SNX13: variants seen among roughly 807,000 people sequenced by gnomAD.
The protein encoded by SNX13 is sorting nexin 13, also known as sorting nexin-13.
SNX13 carries 45 observed loss-of-function variants against 133.6 expected under a neutral mutation model. The ratio of observed to expected loss-of-function variants is 0.34; its 90% CI spans 0.27 to 0.43. The LOEUF (loss-of-function observed/expected upper bound fraction) is 0.43, where lower values mean the gene tolerates loss of function less well. Ranked by LOEUF, SNX13 falls within the 20% of genes least tolerant of loss-of-function variation. The probability of loss-of-function intolerance (pLI) is 1.00; values close to 1 mark genes in which losing one functional copy is unlikely to be tolerated. For missense variants in SNX13, 1,032 were observed against 1,145.1 expected (o/e 0.90, Z 1.43); for synonymous variants, 414 against 373.9 (o/e 1.11, Z -1.24).
rs561862798 is a variant in SNX13 at position 17,882,783 on chromosome 7, C to A, written c.441-6993G>T. The A allele has an allele frequency of 1.6e-3, 1,914 of 1,221,830 alleles. 1 individual carries two copies. The highest frequency in any genetic ancestry group is 2.0e-3 in the Non-Finnish European group (1,856 of 947,738). The allele number at this position is 1,221,830 out of a possible 1,614,324, so 75.7% of individuals were successfully genotyped here. On this transcript the variant is annotated intron_variant, in intron 5 of 25. Transcript: ENST00000428135. ...AACTGAAAGGGTTCTCAAATCACTA[C>A]CACAATTCCCTGTAATTTCAGAGCC...
intron 1 of SNX13, among the ~76,000 whole-genome samples, chr7:17,919,665 T>C (rs994745220): frequency 2.0e-5 from 3 of 152,164 alleles, no homozygotes; most frequent in Admixed American, 6.5e-5. Context: ...ATTGATACTA[T>C]TCATATCCAC....
At chr7:17,908,089 T>C (rs2128014432) in intron 1 of SNX13, among the ~76,000 whole-genome samples, 1 of 152,286 alleles carries the variant, frequency 6.6e-6, no homozygotes, top group South Asian at 2.1e-4. Context: ...CCCAAATGTT[T>C]CCTATATTCC....
Position 17,907,739 on chromosome 7 carries a change from T to C in SNX13, c.13-10293A>G, listed in dbSNP as rs1200288115. 2.6e-5 allele frequency among the ~76,000 whole-genome samples: 4 copies of C among 152,162 alleles called. No homozygotes were observed. The East Asian group carries it at 7.7e-4, about 29-fold the overall frequency. Reference sequence around the variant, plus strand: ...CAACATAATTTTACTGCCATTTTGATTAAAGTTGGGAAAGCATACAGGAAA... The same window carrying C: ...CAACATAATTTTACTGCCATTTTGACTAAAGTTGGGAAAGCATACAGGAAA... On this transcript the variant is annotated intron_variant, in intron 1 of 25. Transcript: ENST00000428135.
Position 17,793,995 on chromosome 7 carries a change from C to T in SNX13, c.*50G>A. 6.3e-7 allele frequency: 1 copy of T among 1,590,030 alleles called. No individual in the cohort carries two copies. Among genetic ancestry groups the T allele is most frequent in the Non-Finnish European group, 8.6e-7 (1 of 1,167,332 alleles). ...TGAGTTAAGCCCCAGAAGATCTGTC[C>T]ATACCATTAGTCCTGGACAAAATGA... is the stretch of plus-strand genomic sequence containing the variant. On this transcript the variant is annotated 3_prime_UTR_variant, in exon 26 of 26. Transcript: ENST00000428135.
intron 13 of SNX13, among the ~76,000 whole-genome samples, chr7:17,835,232 G>A (rs1412690514): frequency 1.3e-5 from 2 of 151,740 alleles, no homozygotes; most frequent in East Asian, 1.9e-4. Flanking sequence ...ATAGTGTCTG[G>A]CACATAGGAA....
intron 20 of SNX13, among the ~76,000 whole-genome samples, chr7:17,812,304 G>GAA (rs201501345): frequency 2.1e-3 from 320 of 151,294 alleles, no homozygotes; most frequent in African/African-American, 7.3e-3. Context: ...AAACTTACAA[G>GAA]AAAAAAAACA....
At chr7:17,912,583 G>A (rs1218023425) in intron 1 of SNX13, among the ~76,000 whole-genome samples, 1 of 151,992 alleles carries the variant, frequency 6.6e-6, no homozygotes, top group Non-Finnish European at 1.5e-5. Context: ...GCTAATTTCT[G>A]TATTTCTAGT....
chr7:17,801,026 A>ATATATATATATG (rs1784578690), intron 22 of SNX13, among the ~76,000 whole-genome samples: 2 of 16,938 alleles, frequency 1.2e-4, no homozygotes, highest in African/African-American at 3.1e-4. Flanking sequence ...ATATATATAT[A>ATATATATATATG]TATATATATA....
At chr7:17,866,253 A>G (rs1185668009) in intron 9 of SNX13, among the ~76,000 whole-genome samples, 1 of 152,062 alleles carries the variant, frequency 6.6e-6, no homozygotes, top group African/African-American at 2.4e-5. Context: ...TGACAAAGAA[A>G]TAATAACCAG....
chr7:17,819,291 G>C (rs10255868), intron 18 of SNX13, among the ~76,000 whole-genome samples: 5,557 of 152,168 alleles, frequency 0.037, 325 homozygotes, highest in African/African-American at 0.13. Context: ...CTGTCACCCA[G>C]GCTGGAGTGC....
In SNX13 at chr7:17,839,898, C is replaced by A. The variant is rs763872572; in HGVS notation, c.1268G>T (p.Arg423Leu). The A allele has an allele frequency of 6.2e-7, 1 of 1,611,860 alleles. No homozygotes were observed. The highest frequency in any genetic ancestry group is 8.5e-7 in the Non-Finnish European group (1 of 1,178,674). The stretch of plus-strand genomic sequence containing the variant: ...GGTTTGATGTTTTCCATCTCTCTGA[C>A]GACTTAATAAAACTTCTAGCTGCTG... ...AQQQLEVLLS[R>L]QRDGKHQTNQ... is the part of the protein sequence containing the mutation. Residue 423 changes from arginine (R) to leucine (L), a missense_variant, in exon 13 of 26, where the codon CGT becomes CTT. Arg to Leu is a moderately radical substitution (Grantham distance 102). Coordinates refer to ENST00000428135, the MANE Select transcript of SNX13 (RefSeq NM_015132.5).
Position 17,861,342 on chromosome 7 carries a change from TCACACACACA to T in SNX13, c.837+7055_837+7064del, listed in dbSNP as rs59119505. Reference sequence around the variant, plus strand: ...TACAGTTATCACACATACAGTTATCTCACACACACACACACACACACACACACACACACAC... The same window carrying T: ...TACAGTTATCACACATACAGTTATCTCACACACACACACACACACACACAC... On this transcript the variant is annotated intron_variant, in intron 9 of 25. Transcript: ENST00000428135. 2.2e-3 allele frequency among the ~76,000 whole-genome samples: 316 copies of T among 143,230 alleles called. 2 individuals carry two copies. Among genetic ancestry groups the T allele is most frequent in the Middle Eastern group, 0.014 (4 of 288 alleles). The allele number at this position is 143,230 out of a possible 152,430, so 94.0% of individuals were successfully genotyped here.
At chr7:17,831,535 A>C (rs2128309336) in intron 15 of SNX13, 1 of 984,414 alleles carries the variant, frequency 1.0e-6, no homozygotes, top group South Asian at 4.7e-5. Flanking sequence ...AGTTTGGTTA[A>C]ATAGGAATGA....
chr7:17,912,016 G>A (rs1799035514), intron 1 of SNX13, among the ~76,000 whole-genome samples: 2 of 152,090 alleles, frequency 1.3e-5, no homozygotes, highest in Non-Finnish European at 2.9e-5. Context: ...TTTTTCCCAA[G>A]ATTGTGGATT....
At chr7:17,870,310 A>C (rs1472849357) in intron 8 of SNX13, among the ~76,000 whole-genome samples, 1 of 152,228 alleles carries the variant, frequency 6.6e-6, no homozygotes, top group Non-Finnish European at 1.5e-5. Flanking sequence ...GTATCCGTAC[A>C]AAGAAAATTA....
At position 17,894,707 on chromosome 7, in the gene SNX13, A is replaced by C. The variant is rs9639305; in HGVS notation, c.126-1273T>G. Among the ~76,000 whole-genome samples the C allele has an allele frequency of 1.7e-3, 265 of 152,308 alleles. 4 individuals are homozygous for C. The East Asian group carries it at 0.048, about 28-fold the overall frequency. On this transcript the variant is annotated intron_variant, in intron 2 of 25. Transcript: ENST00000428135. ...GCAAAGTGTTGGAAATCCATCAAAAAACATTTAATCTAATAATGATCTTAT... is the reference window on the plus strand; with the variant it reads ...GCAAAGTGTTGGAAATCCATCAAAACACATTTAATCTAATAATGATCTTAT...
chr7:17,859,409 G>C (rs1050904595), intron 9 of SNX13, among the ~76,000 whole-genome samples: 1 of 152,020 alleles, frequency 6.6e-6, no homozygotes, highest in African/African-American at 2.4e-5. Context: ...ATTTAAGATT[G>C]ACAATGCTAA....
intron 1 of SNX13, chr7:17,899,159 T>C (rs1797541422): frequency 1.3e-5 from 2 of 152,204 alleles, no homozygotes; most frequent in Non-Finnish European, 2.9e-5. Flanking sequence ...CCTGTACAAC[T>C]TCCACTGAGA....
chr7:17,939,901 G>C (rs1487749553), intron 1 of SNX13, among the ~76,000 whole-genome samples: 1 of 152,194 alleles, frequency 6.6e-6, no homozygotes, highest in African/African-American at 2.4e-5. Context: ...CCAGAGAAAG[G>C]AGACCTAGGG....
Sources: gnomAD v4.1 joint callset for allele counts (sites outside exome capture counted in the v4.1 genomes callset) on GRCh38, gnomAD v4.1.1 for gene constraint, MANE v1.5 for transcripts, NCBI Gene and HGNC (gene_info 2026-07-23, HGNC 2026-07-21) for gene names.